Variants in SVIL observed in about 807,000 individuals in gnomAD.
SVIL encodes the protein archvillin.
In SVIL, 101 loss-of-function variants were observed where a neutral mutation model predicts 240.4. The observed-to-expected ratio is 0.42, with a 90% CI of 0.36 to 0.50. SVIL has a LOEUF of 0.50. Ranked by LOEUF, SVIL falls within the 20% of genes least tolerant of loss-of-function variation. The pLI is 0.01. For missense variants in SVIL, 2,512 were observed against 2,818.7 expected (o/e 0.89, Z 2.46); for synonymous variants, 999 against 1,100.0 (o/e 0.91, Z 1.82).
chr10:29,617,324 T>C (rs749399925), intron 1 of SVIL, among the ~76,000 whole-genome samples: 32 of 152,202 alleles, frequency 2.1e-4, no homozygotes, highest in Non-Finnish European at 4.0e-4. Context: ...CCCCTGGTCA[T>C]TGCACAAGAG....
At chr10:29,551,920 G>A (rs907770807) in intron 5 of SVIL, among the ~76,000 whole-genome samples, 10 of 152,108 alleles carry the variant, frequency 6.6e-5, no homozygotes, top group African/African-American at 1.9e-4. Flanking sequence ...AGACCAGCCT[G>A]GGTAACATAG....
intron 1 of SVIL, among the ~76,000 whole-genome samples, chr10:29,710,711 A>T (rs1370815301): frequency 1.3e-5 from 2 of 152,226 alleles, no homozygotes; most frequent in Non-Finnish European, 2.9e-5. Flanking sequence ...TTTGAAGGTT[A>T]AAGAAAAATT....
At chr10:29,732,246 T>C (rs1186072114) in intron 1 of SVIL, among the ~76,000 whole-genome samples, 1 of 152,214 alleles carries the variant, frequency 6.6e-6, no homozygotes, top group African/African-American at 2.4e-5. Flanking sequence ...TCATGGTAAC[T>C]ACACATCGGG....
intron 2 of SVIL, among the ~76,000 whole-genome samples, chr10:29,564,966 T>A (rs7095658): frequency 0.43 from 65,770 of 151,954 alleles, 14,306 homozygotes; most frequent in African/African-American, 0.47. Flanking sequence ...TGTACCCGAC[T>A]TAAGGAATGG....
At chr10:29,688,415 C>T (rs7901774) in intron 1 of SVIL, among the ~76,000 whole-genome samples, 30,100 of 152,196 alleles carry the variant, frequency 0.2, 3,308 homozygotes, top group African/African-American at 0.27. Context: ...CCGTTCAGAT[C>T]CCACTGGGAT....
Position 29,550,598 on chromosome 10 carries a change from T to A in SVIL, c.826A>T (p.Ser276Cys), listed in dbSNP as rs1432977996. The change falls in exon 6 of 38, where the codon AGT (serine) becomes TGT (cysteine). Residue 276 changes from serine to cysteine, a missense_variant and splice_region_variant. Physicochemically the swap from Ser to Cys is moderately radical, Grantham distance 112 (BLOSUM62 -1). Transcript: ENST00000355867. ...GCTTAGCGTGGACTGGATGCTTACC[T>A]GGGTCGGGCCTCAGGGGATAGCTGT... ...DPQLSPEARP[S>C]TGKPKHEWFL... 2 of 1,604,774 alleles carry A rather than the reference T, an allele frequency of 1.2e-6. No homozygotes were observed. Among genetic ancestry groups the A allele is most frequent in the Non-Finnish European group, 1.7e-6 (2 of 1,175,646 alleles).
chr10:29,555,886 T>C (rs1413500101), intron 3 of SVIL, among the ~76,000 whole-genome samples: 1 of 152,212 alleles, frequency 6.6e-6, no homozygotes, highest in African/African-American at 2.4e-5. Flanking sequence ...AACTATCTGA[T>C]TGTGTTTCCA....
chr10:29,530,668 T>A lies in SVIL; in HGVS notation c.2045A>T (p.Asp682Val). ...GGCTCGTTCATCCACCTTTTCTTCA[T>A]CTGCAAAAAGCCACAAATTAAAAAC... ...TSHSETPTVD[D>V]EEKVDERAKL... Residue 682 changes from aspartate to valine, a missense_variant and splice_region_variant, in exon 11 of 38, where the codon GAT becomes GTT. Around this residue, in one of 3 missense-constraint regions of SVIL, gnomAD observed 1,443 missense variants for 1,486.6 expected, o/e 0.97. Transcript: ENST00000355867. 1.2e-6 allele frequency: 2 copies of A among 1,614,160 alleles called. No homozygotes were observed. The highest frequency in any genetic ancestry group is 1.7e-6 in the Non-Finnish European group (2 of 1,179,998).
intron 1 of SVIL, among the ~76,000 whole-genome samples, chr10:29,573,291 T>C (rs1955533236): frequency 6.6e-6 from 1 of 152,170 alleles, no homozygotes; most frequent in Non-Finnish European, 1.5e-5. Flanking sequence ...TAACGGAGTC[T>C]TACCAGAATT....
At chr10:29,496,476 C>G in intron 18 of SVIL, 1 of 444,622 alleles carries the variant, frequency 2.2e-6, no homozygotes, top group South Asian at 1.6e-5. Context: ...ATGAACAGGA[C>G]TGACTCTGAA....
intron 29 of SVIL, among the ~76,000 whole-genome samples, chr10:29,475,085 G>T (rs1393878274): frequency 1.3e-5 from 2 of 152,214 alleles, no homozygotes; most frequent in African/African-American, 2.4e-5. Context: ...GAGTGCAATG[G>T]TGCAATCATG....
intron 1 of SVIL, among the ~76,000 whole-genome samples, chr10:29,603,235 C>G (rs1030903316): frequency 6.6e-6 from 1 of 151,590 alleles, no homozygotes. Flanking sequence ...CTGCCCTCCC[C>G]CCTCATCCTC....
chr10:29,721,932 A>G (rs147632683), intron 1 of SVIL, among the ~76,000 whole-genome samples: 35 of 152,282 alleles, frequency 2.3e-4, no homozygotes, highest in African/African-American at 8.4e-4. Flanking sequence ...ATTTTCAGGA[A>G]AGCTAACCTT....
At chr10:29,650,405 C>T (rs1019924629) in intron 3 of SVIL, among the ~76,000 whole-genome samples, 3 of 152,080 alleles carry the variant, frequency 2.0e-5, no homozygotes, top group African/African-American at 7.2e-5. Context: ...GAGAAAGTTA[C>T]CACTTTGCCT....
At chr10:29,557,656 GCTATTTT>G (rs1404080008) in intron 3 of SVIL, among the ~76,000 whole-genome samples, 1 of 152,152 alleles carries the variant, frequency 6.6e-6, no homozygotes, top group Non-Finnish European at 1.5e-5. Context: ...GTTGCTTCCT[GCTATTTT>G]CTATTTCCCA....
intron 17 of SVIL, among the ~76,000 whole-genome samples, chr10:29,499,872 T>C (rs1211018985): frequency 6.6e-6 from 1 of 152,232 alleles, no homozygotes; most frequent in Non-Finnish European, 1.5e-5. Flanking sequence ...AGACATCTGA[T>C]GTTGAGGGTG....
chr10:29,500,870 C>T (rs947733081), intron 17 of SVIL, among the ~76,000 whole-genome samples: 35 of 152,070 alleles, frequency 2.3e-4, no homozygotes, highest in Non-Finnish European at 4.6e-4. Context: ...GAGAGAACTT[C>T]CTGATTCAGG....
chr10:29,457,978 A>G lies in SVIL; in HGVS notation c.*269T>C, dbSNP rs547837791. The G allele has an allele frequency of 1.3e-4, 41 of 312,500 alleles. No homozygotes were observed. The highest frequency in any genetic ancestry group is 1.8e-4 in the Non-Finnish European group (30 of 170,198). 19.4% of individuals were successfully genotyped at this position (312,500 alleles called of 1,614,324 possible). A position where few individuals can be genotyped will look rare whatever the true frequency, so the allele number is the denominator to read the frequency against. Reference sequence around the variant, plus strand: ...CTGGAACAAGAAGGCAGTGCTATCTATAGCAGCTGCGGCTTAAGTGCACAT... The same window carrying G: ...CTGGAACAAGAAGGCAGTGCTATCTGTAGCAGCTGCGGCTTAAGTGCACAT... On this transcript the variant is annotated 3_prime_UTR_variant, in exon 38 of 38. Transcript: ENST00000355867.
intron 7 of SVIL, among the ~76,000 whole-genome samples, chr10:29,535,229 T>C (rs1253569859): frequency 6.6e-6 from 1 of 150,712 alleles, no homozygotes; most frequent in Non-Finnish European, 1.5e-5. Context: ...AAGAAAACAT[T>C]CTTAGTTGTT....
Sources: allele counts gnomAD v4.1 joint callset (sites outside exome capture counted in the v4.1 genomes callset), GRCh38; gene constraint gnomAD v4.1.1; regional missense constraint gnomAD v4.1.1; transcripts MANE v1.5; gene names NCBI Gene and HGNC (gene_info 2026-07-23, HGNC 2026-07-21).